Variants in OC90 observed in about 807,000 individuals in gnomAD.
OC90 encodes otoconin-90.
A neutral mutation model predicts 47.3 loss-of-function variants in OC90; 46 were observed. The observed-to-expected ratio is 0.97, with a 90% confidence interval of 0.77 to 1.24. The LOEUF (loss-of-function observed/expected upper bound fraction) is 1.24. Among genes scored for constraint, OC90 ranks in the 50% most tolerant of loss-of-function variants. The pLI is 0.00. For synonymous variants in OC90, 271 were observed against 219.5 expected, an observed-to-expected ratio of 1.23 and a Z score of -2.07; for missense variants, 688 against 583.9, an observed-to-expected ratio of 1.18 and a Z score of -1.84.
chr8:132,040,238 T>C (rs1419122704), intron 6 of OC90, among the ~76,000 whole-genome samples: 1 of 152,188 alleles, frequency 6.6e-6, no homozygotes, highest in Admixed American at 6.5e-5. Context: ...AACCCTGGCT[T>C]TGCCCCTTTG....
intron 1 of OC90, among the ~76,000 whole-genome samples, chr8:132,057,172 C>T (rs1823288742): frequency 6.6e-6 from 1 of 152,188 alleles, no homozygotes; most frequent in Non-Finnish European, 1.5e-5. Flanking sequence ...GCATCTGGCT[C>T]GAGGTCAAAG....
At chr8:132,047,227 A>G (rs1462712240) in intron 2 of OC90, among the ~76,000 whole-genome samples, 5 of 152,228 alleles carry the variant, frequency 3.3e-5, no homozygotes, top group Admixed American at 2.6e-4. Context: ...CAGGACTGGC[A>G]CTACCAATAT....
At chr8:132,033,839 G>C (rs1306087522) in intron 10 of OC90, among the ~76,000 whole-genome samples, 1 of 151,974 alleles carries the variant, frequency 6.6e-6, no homozygotes, top group Admixed American at 6.6e-5. Context: ...TACAGGGAAA[G>C]AGAACAGCAG....
intron 9 of OC90, among the ~76,000 whole-genome samples, chr8:132,035,335 T>C (rs1047530864): frequency 1.4e-4 from 21 of 152,342 alleles, no homozygotes; most frequent in African/African-American, 5.0e-4. Context: ...GCTTCTTATA[T>C]TAACTTACCA....
At chr8:132,045,387 G>A (rs1413997724) in intron 3 of OC90, among the ~76,000 whole-genome samples, 3 of 152,104 alleles carry the variant, frequency 2.0e-5, no homozygotes, top group East Asian at 1.9e-4. Flanking sequence ...ATAAACTATC[G>A]CTGAGAAAAT....
chr8:132,031,126 C>T (rs1468640861), intron 12 of OC90, among the ~76,000 whole-genome samples: 1 of 152,196 alleles, frequency 6.6e-6, no homozygotes, highest in Admixed American at 6.5e-5. Context: ...TTGAGTGCTC[C>T]ATGGTTTCCT....
At chr8:132,042,027 G>A (rs901589882) in intron 4 of OC90, among the ~76,000 whole-genome samples, 1 of 152,112 alleles carries the variant, frequency 6.6e-6, no homozygotes, top group African/African-American at 2.4e-5. Context: ...GGCTGTGCAT[G>A]TGACCCAGAT....
chr8:132,035,265 G>A (rs1037499455), intron 9 of OC90, among the ~76,000 whole-genome samples: 1 of 152,170 alleles, frequency 6.6e-6, no homozygotes, highest in East Asian at 1.9e-4. Flanking sequence ...AACTGAATTT[G>A]TTGTTATTGT....
intron 2 of OC90, among the ~76,000 whole-genome samples, chr8:132,046,947 T>A (rs140254292): frequency 6.6e-6 from 1 of 152,284 alleles, no homozygotes; most frequent in Admixed American, 6.5e-5. Context: ...ACATTTTGGG[T>A]TGTGAAATTT....
intron 9 of OC90, among the ~76,000 whole-genome samples, chr8:132,035,637 T>C (rs1399383965): frequency 3.3e-5 from 5 of 152,222 alleles, no homozygotes; most frequent in Non-Finnish European, 7.3e-5. Context: ...AAAACCAGGC[T>C]TTGAAATTGA....
At chr8:132,057,817 T>C (rs4403387) in intron 1 of OC90, among the ~76,000 whole-genome samples, 88,567 of 152,150 alleles carry the variant, frequency 0.58, 26,400 homozygotes, top group Non-Finnish European at 0.65. Context: ...TATCAAGACG[T>C]CTCACTTTCT....
chr8:132,054,916 G>T, intron 2 of OC90, 65 bp downstream of exon 2: 1 of 1,178,136 alleles, frequency 8.5e-7, no homozygotes, highest in Non-Finnish European at 1.2e-6. Context: ...CTGTTGAAGG[G>T]ACAGTATTCA....
chr8:132,031,880 C>A lies in OC90; in HGVS notation c.1031+1G>T. 1 of 1,613,520 alleles carries A rather than the reference C, an allele frequency of 6.2e-7. No homozygotes were observed. The highest frequency in any genetic ancestry group is 8.5e-7 in the Non-Finnish European group (1 of 1,179,628). The stretch of plus-strand genomic sequence containing the variant: ...GAGCTGTCACCGCTGGCTCTCCATA[C>A]CTGTCTAGGTCATCCCTTGGCTCGC... On this transcript the variant is annotated splice_donor_variant, in intron 12 of 13. Coordinates refer to ENST00000254627, the MANE Select transcript of OC90 (RefSeq NM_001080399.3). LOFTEE classifies it high-confidence loss of function.
intron 2 of OC90, among the ~76,000 whole-genome samples, chr8:132,047,635 T>A (rs74306320): frequency 5.9e-5 from 9 of 151,912 alleles, no homozygotes; most frequent in Non-Finnish European, 1.0e-4. Flanking sequence ...TGGGAGATTT[T>A]AAAAAAATAA....
At chr8:132,028,914 A>AAAGAAGGAAAG in intron 13 of OC90, among the ~76,000 whole-genome samples, 159 bp downstream of exon 13, 12 of 147,960 alleles carry the variant, frequency 8.1e-5, no homozygotes, top group African/African-American at 2.8e-4. Flanking sequence ...AGGAAAGAGG[A>AAAGAAGGAAAG]AGGAAGGAAG....
chr8:132,053,759 C>A (rs1020789475), intron 2 of OC90, among the ~76,000 whole-genome samples: 1 of 152,196 alleles, frequency 6.6e-6, no homozygotes, highest in African/African-American at 2.4e-5. Context: ...ACAAAGAGAG[C>A]ATGTGCTTAG....
At chr8:132,044,367 T>G in intron 4 of OC90, 66 bp downstream of exon 4, 1 of 900,182 alleles carries the variant, frequency 1.1e-6, no homozygotes, top group Non-Finnish European at 1.8e-6. Flanking sequence ...CCCTTGCAAT[T>G]TCCTTAGATT....
chr8:132,043,390 C>T (rs1204954595), intron 4 of OC90, among the ~76,000 whole-genome samples: 1 of 152,244 alleles, frequency 6.6e-6, no homozygotes, highest in Non-Finnish European at 1.5e-5. Flanking sequence ...GAAGGCCAAA[C>T]ACATGCCTAA....
intron 1 of OC90, among the ~76,000 whole-genome samples, chr8:132,055,309 C>T (rs1405163775): frequency 6.6e-6 from 1 of 152,150 alleles, no homozygotes; most frequent in African/African-American, 2.4e-5. Context: ...CCATGAGCTC[C>T]CTGAAGACAC....
Sources: allele counts gnomAD v4.1 joint callset (sites outside exome capture counted in the v4.1 genomes callset), GRCh38; gene constraint gnomAD v4.1.1; transcripts MANE v1.5; gene names NCBI Gene and HGNC (gene_info 2026-07-23, HGNC 2026-07-21).